IL17RD: variants seen among roughly 807,000 people sequenced by gnomAD.
IL17RD encodes interleukin-17 receptor D.
IL17RD carries 52 observed loss-of-function variants against 80.5 expected under a neutral mutation model. The ratio of observed to expected loss-of-function variants is 0.65; its 90% CI spans 0.52 to 0.81. The LOEUF is 0.81. Among genes scored for constraint, IL17RD ranks in the 40% least tolerant of loss-of-function variants. The pLI is 0.00. For missense variants in IL17RD, 1,024 were observed against 955.1 expected, an observed-to-expected ratio of 1.07 and a Z score of -0.95; for synonymous variants, 416 against 391.8, an observed-to-expected ratio of 1.06 and a Z score of -0.73.
intron 1 of IL17RD, among the ~76,000 whole-genome samples, chr3:57,161,337 C>G (rs2060303327): frequency 6.6e-6 from 1 of 152,180 alleles, no homozygotes; most frequent in African/African-American, 2.4e-5. Flanking sequence ...CATGTCTGGG[C>G]CCACAGCCAA....
intron 1 of IL17RD, among the ~76,000 whole-genome samples, chr3:57,163,694 A>G (rs1384875877): frequency 6.6e-6 from 1 of 151,584 alleles, no homozygotes. Context: ...TAAACAATAA[A>G]ACAAGAGCAG....
intron 1 of IL17RD, among the ~76,000 whole-genome samples, chr3:57,160,965 G>C (rs1179088769): frequency 6.6e-6 from 1 of 152,184 alleles, no homozygotes; most frequent in Non-Finnish European, 1.5e-5. Context: ...TGGTCACGGA[G>C]CTATATGCCC....
chr3:57,147,395 T>A (rs752835966), intron 1 of IL17RD, among the ~76,000 whole-genome samples: 25 of 152,216 alleles, frequency 1.6e-4, no homozygotes, highest in Non-Finnish European at 2.6e-4. Flanking sequence ...GAGCTGGGAT[T>A]CGTGAAACAA....
chr3:57,091,715 A>C lies in IL17RD; in HGVS notation c.*4678T>G, dbSNP rs1431851374. The C allele has an allele frequency of 6.6e-6, 1 of 152,488 alleles. No individual in the cohort carries two copies. The highest frequency in any genetic ancestry group is 2.4e-5 in the African/African-American group (1 of 41,450). 9.4% of individuals were successfully genotyped at this position (152,488 alleles called of 1,614,324 possible). A position where few individuals can be genotyped will look rare whatever the true frequency, so the allele number is the denominator to read the frequency against. On this transcript the variant is annotated 3_prime_UTR_variant, in exon 13 of 13. Coordinates refer to ENST00000296318, the MANE Select transcript of IL17RD (RefSeq NM_017563.5). ...GCTGTTCTTTCTCCACTACAAGCCG[A>C]ACAAAAGGAAGCTGGCTTGAATTTC...
At position 57,095,053 on chromosome 3, in the gene IL17RD, C is replaced by G. The variant is rs888348730; in HGVS notation, c.*1340G>C. The G allele has an allele frequency of 6.6e-6, 1 of 152,552 alleles. No individual in the cohort carries two copies. Among genetic ancestry groups the G allele is most frequent in the Non-Finnish European group, 1.5e-5 (1 of 68,040 alleles). The allele number at this position is 152,552 out of a possible 1,614,324, so 9.4% of individuals were successfully genotyped here. A position where few individuals can be genotyped will look rare whatever the true frequency, so the allele number is the denominator to read the frequency against. On this transcript the variant is annotated 3_prime_UTR_variant, in exon 13 of 13. Transcript: ENST00000296318. ...TGCCCCATCCCACCTCCCACCTTGCCTCAGGATGTTTCTCAACATACCCCT... is the reference window on the plus strand; with the variant it reads ...TGCCCCATCCCACCTCCCACCTTGCGTCAGGATGTTTCTCAACATACCCCT...
upstream of IL17RD, chr3:57,165,373 C>A: frequency 8.8e-7 from 1 of 1,141,776 alleles, no homozygotes; most frequent in Non-Finnish European, 1.1e-6. Context: ...CCGCGGCGGC[C>A]GCGGCGGCAG....
At chr3:57,142,051 C>G (rs1473686496) in intron 1 of IL17RD, among the ~76,000 whole-genome samples, 1 of 152,162 alleles carries the variant, frequency 6.6e-6, no homozygotes, top group East Asian at 1.9e-4. Flanking sequence ...AAGGGACACA[C>G]GGAGCCTTCC....
At chr3:57,121,605 T>C (rs966888729) in intron 1 of IL17RD, among the ~76,000 whole-genome samples, 2 of 152,352 alleles carry the variant, frequency 1.3e-5, no homozygotes, top group Non-Finnish European at 2.9e-5. Context: ...GCTTTCCTCC[T>C]TCTAGCCTCT....
rs1255873578 is a variant in IL17RD at position 57,098,503 on chromosome 3, A to C, written c.1200T>G (p.Cys400Trp). 3 of 1,611,378 alleles carry C rather than the reference A, an allele frequency of 1.9e-6. No homozygotes were observed. The highest frequency in any genetic ancestry group is 2.5e-6 in the Non-Finnish European group (3 of 1,178,294). ...TGACCCATTCTCTCTGCCCTTCTCT[A>C]CAGAGGCTGAAGTCTTCCCACAGGT... is the stretch of plus-strand genomic sequence containing the variant. ...ALDLWEDFSL[C>W]REGQREWVIQ... The change falls in exon 12 of 13, where the codon TGT becomes TGG. Residue 400 changes from cysteine (C) to tryptophan (W), a missense_variant. Cys to Trp is a radical substitution (Grantham distance 215). Coordinates refer to ENST00000296318, the MANE Select transcript of IL17RD (RefSeq NM_017563.5).
At chr3:57,155,948 T>C (rs1436469115) in intron 1 of IL17RD, among the ~76,000 whole-genome samples, 3 of 152,186 alleles carry the variant, frequency 2.0e-5, no homozygotes, top group Non-Finnish European at 4.4e-5. Context: ...AGAGAGGCCA[T>C]TGGAGAGTGT....
chr3:57,108,428 T>G (rs768739788), intron 5 of IL17RD, among the ~76,000 whole-genome samples: 1 of 148,874 alleles, frequency 6.7e-6, no homozygotes, highest in Non-Finnish European at 1.5e-5. Flanking sequence ...GCTCAAGCAA[T>G]CCTCCTGCCT....
At chr3:57,146,506 G>T (rs1425986055) in intron 1 of IL17RD, among the ~76,000 whole-genome samples, 2 of 151,996 alleles carry the variant, frequency 1.3e-5, no homozygotes, top group African/African-American at 2.4e-5. Context: ...ATCCCAGCAC[G>T]TTGGAAGGCC....
chr3:57,126,835 T>C (rs1216380016), intron 1 of IL17RD, among the ~76,000 whole-genome samples: 1 of 152,090 alleles, frequency 6.6e-6, no homozygotes, highest in Non-Finnish European at 1.5e-5. Flanking sequence ...GAGAAGACTT[T>C]TTTTTTTGAG....
At chr3:57,140,931 T>C (rs1707816893) in intron 1 of IL17RD, among the ~76,000 whole-genome samples, 1 of 152,064 alleles carries the variant, frequency 6.6e-6, no homozygotes, top group Non-Finnish European at 1.5e-5. Context: ...TCTCACTCTG[T>C]TGCCCAGGCT....
intron 11 of IL17RD, among the ~76,000 whole-genome samples, chr3:57,099,376 T>C (rs543587436): frequency 1.4e-3 from 220 of 152,322 alleles, no homozygotes; most frequent in Middle Eastern, 3.4e-3. Flanking sequence ...TGTGGCCCCT[T>C]AGAGGACTTC....
chr3:57,111,640 T>C (rs1232051212), intron 3 of IL17RD, among the ~76,000 whole-genome samples: 1 of 152,188 alleles, frequency 6.6e-6, no homozygotes, highest in East Asian at 1.9e-4. Flanking sequence ...AAGTGATTAA[T>C]ACCATTAACA....
At chr3:57,156,050 T>G (rs2060264877) in intron 1 of IL17RD, among the ~76,000 whole-genome samples, 1 of 152,212 alleles carries the variant, frequency 6.6e-6, no homozygotes, top group Admixed American at 6.5e-5. Context: ...GAACCTACTA[T>G]GTGCCAGGCA....
intron 9 of IL17RD, among the ~76,000 whole-genome samples, 175 bp from the exon 10 acceptor site, chr3:57,102,764 T>C (rs1175956263): frequency 6.6e-6 from 1 of 152,182 alleles, no homozygotes; most frequent in Non-Finnish European, 1.5e-5. Context: ...ATTTAAAGAG[T>C]TGCAAAGAAC....
rs780813725 is a variant in IL17RD at position 57,110,249 on chromosome 3, A to G, written c.373T>C (p.Cys125Arg). ...GGATCCTTTAGAATCAGTTGTTGGC[A>G]CTGTCTTCCCTCCGACTTCAGCTCC... is the stretch of plus-strand genomic sequence containing the variant. The part of the protein sequence containing the change: ...LEELKSEGRQ[C>R]QQLILKDPKQ... Residue 125 changes from cysteine (C) to arginine (R), a missense_variant, in exon 4 of 13, where the codon TGC becomes CGC. By Grantham distance (180) the Cys-to-Arg change is radical. Transcript: ENST00000296318. The G allele has an allele frequency of 5.6e-6, 9 of 1,609,644 alleles. No individual in the cohort carries two copies. The highest frequency in any genetic ancestry group is 7.6e-6 in the Non-Finnish European group (9 of 1,177,956).
Sources: gnomAD v4.1 joint callset for allele counts (sites outside exome capture counted in the v4.1 genomes callset) on GRCh38, gnomAD v4.1.1 for gene constraint, MANE v1.5 for transcripts, NCBI Gene and HGNC (gene_info 2026-07-23, HGNC 2026-07-21) for gene names.